TANGO6: variants seen among roughly 807,000 people sequenced by gnomAD.
TANGO6 encodes the protein transport and golgi organization 6 homolog.
In TANGO6, 90 loss-of-function variants were observed where a neutral mutation model predicts 114.2. The observed-to-expected ratio is 0.79, with a 90% confidence interval of 0.66 to 0.94. The LOEUF (loss-of-function observed/expected upper bound fraction) is 0.94, where lower values mean the gene tolerates loss of function less well. Among genes scored for constraint, TANGO6 ranks in the 40% least tolerant of loss-of-function variants. TANGO6 has a pLI of 0.00. For missense variants in TANGO6, 1,274 were observed against 1,315.3 expected (o/e 0.97, Z 0.49); for synonymous variants, 477 against 509.8 (o/e 0.94, Z 0.87).
At chr16:68,899,321 A>C (rs1962752867) in intron 7 of TANGO6, among the ~76,000 whole-genome samples, 1 of 152,116 alleles carries the variant, frequency 6.6e-6, no homozygotes, top group Admixed American at 6.6e-5. Context: ...TATCACAAGC[A>C]ATATGAAGGA....
At chr16:68,858,214 C>T in intron 1 of TANGO6, among the ~76,000 whole-genome samples, 1 of 152,116 alleles carries the variant, frequency 6.6e-6, no homozygotes, top group Non-Finnish European at 1.5e-5. Flanking sequence ...CAGGCACCTG[C>T]CACCATGCCC....
intron 6 of TANGO6, among the ~76,000 whole-genome samples, chr16:68,880,254 G>T (rs1395946963): frequency 6.6e-6 from 1 of 152,184 alleles, no homozygotes; most frequent in Admixed American, 6.5e-5. Flanking sequence ...TTACAGTTGT[G>T]AGCCACCACA....
Position 68,893,209 on chromosome 16 carries a change from C to G in TANGO6, c.1378-7225C>G, listed in dbSNP as rs185743274. Among the ~76,000 whole-genome samples, 285 of 152,166 alleles carry G rather than the reference C, an allele frequency of 1.9e-3. 1 individual carries two copies. Among genetic ancestry groups the G allele is most frequent in the Non-Finnish European group, 3.1e-3 (209 of 68,016 alleles). On this transcript the variant is annotated intron_variant, in intron 7 of 17. Transcript: ENST00000261778. Reference sequence around the variant, plus strand: ...GGAATGAAGGAAATGAGCAAACTTGCAGTCAAGTCAGAGAATCATAGATGA... The same window carrying G: ...GGAATGAAGGAAATGAGCAAACTTGGAGTCAAGTCAGAGAATCATAGATGA...
rs575958202 is a variant in TANGO6, at chr16:69,063,781, T to TTTCTTCTTCTTCTTCTTCTTCTTC, written c.3109-19698_3109-19675dup. ...TCACTCTGGGCAGCGTAGCCATACT[T>TTTCTTCTTCTTCTTCTTCTTCTTC]TTCTTCTTCTTCTTCTTCTTCTTCT... On this transcript the variant is annotated intron_variant, in intron 17 of 17. Transcript: ENST00000261778. Among the ~76,000 whole-genome samples, 137 of 115,436 alleles carry TTTCTTCTTCTTCTTCTTCTTCTTC rather than the reference T, an allele frequency of 1.2e-3. 1 individual carries two copies. The highest frequency in any genetic ancestry group is 4.5e-3 in the African/African-American group (125 of 28,014). The allele number at this position is 115,436 out of a possible 152,430, so 75.7% of individuals were successfully genotyped here.
chr16:68,869,921 T>C (rs181204246), intron 4 of TANGO6, among the ~76,000 whole-genome samples: 24 of 152,202 alleles, frequency 1.6e-4, no homozygotes, highest in Middle Eastern at 3.4e-3. Flanking sequence ...GGTAGAGTGG[T>C]GCGCAGTGAG....
At chr16:69,069,498 C>T (rs111749892) in intron 17 of TANGO6, among the ~76,000 whole-genome samples, 4,707 of 152,250 alleles carry the variant, frequency 0.031, 104 homozygotes, top group Non-Finnish European at 0.041. Flanking sequence ...CAGAACTAGT[C>T]GGATTCTGGA....
At chr16:68,922,310 G>A (rs553623130) in intron 12 of TANGO6, among the ~76,000 whole-genome samples, 5 of 152,062 alleles carry the variant, frequency 3.3e-5, no homozygotes, top group African/African-American at 1.2e-4. Context: ...GGCCAAGTCG[G>A]GTGGATCACG....
chr16:69,030,107 CAAAAAAAAA>C (rs529117472), intron 16 of TANGO6, among the ~76,000 whole-genome samples: 1 of 62,518 alleles, frequency 1.6e-5, no homozygotes, highest in Non-Finnish European at 3.2e-5. Flanking sequence ...GACTCTGACT[CAAAAAAAAA>C]AAAAAAAAAA....
chr16:68,987,333 A>C (rs1963904953), intron 15 of TANGO6, among the ~76,000 whole-genome samples: 1 of 152,036 alleles, frequency 6.6e-6, no homozygotes, highest in Admixed American at 6.6e-5. Flanking sequence ...AGGCTATTTA[A>C]ATTTTAAATT....
chr16:69,024,112 G>A (rs576127103), intron 16 of TANGO6, among the ~76,000 whole-genome samples: 9 of 152,186 alleles, frequency 5.9e-5, no homozygotes, highest in African/African-American at 2.2e-4. Context: ...ATGTTGGCCA[G>A]GTTGGTCTCG....
At chr16:68,908,073 C>T (rs1418232583) in intron 10 of TANGO6, among the ~76,000 whole-genome samples, 1 of 152,156 alleles carries the variant, frequency 6.6e-6, no homozygotes, top group Non-Finnish European at 1.5e-5. Context: ...TGCTTTTCTT[C>T]TGTTCTCTGA....
intron 14 of TANGO6, among the ~76,000 whole-genome samples, chr16:68,947,093 T>C (rs903755167): frequency 6.6e-6 from 1 of 152,146 alleles, no homozygotes; most frequent in Admixed American, 6.5e-5. Context: ...ATCTTATTTT[T>C]CCCCCAGTAT....
intron 14 of TANGO6, among the ~76,000 whole-genome samples, chr16:68,941,637 T>C (rs1259779403): frequency 6.6e-6 from 1 of 152,014 alleles, no homozygotes; most frequent in African/African-American, 2.4e-5. Context: ...TCCCAGCTAC[T>C]TGGGAGGCTG....
chr16:68,954,531 A>G (rs577860889), intron 14 of TANGO6, among the ~76,000 whole-genome samples: 2 of 152,320 alleles, frequency 1.3e-5, no homozygotes, highest in East Asian at 3.9e-4. Flanking sequence ...AAAAGTTTTG[A>G]GAACTCACTG....
At chr16:68,982,113 C>A (rs1241913064) in intron 15 of TANGO6, among the ~76,000 whole-genome samples, 2 of 152,262 alleles carry the variant, frequency 1.3e-5, no homozygotes, top group East Asian at 3.9e-4. Context: ...AGATGTGGCT[C>A]AAAATGGCAG....
At chr16:68,886,565 A>G (rs183205286) in intron 7 of TANGO6, among the ~76,000 whole-genome samples, 1 of 151,214 alleles carries the variant, frequency 6.6e-6, no homozygotes, top group African/African-American at 2.4e-5. Context: ...CTGGAGTGCA[A>G]TGGCATGATC....
chr16:69,021,261 A>G (rs1959400613), intron 15 of TANGO6, among the ~76,000 whole-genome samples: 1 of 152,060 alleles, frequency 6.6e-6, no homozygotes, highest in Admixed American at 6.6e-5. Flanking sequence ...GTTCTCAGAC[A>G]TGCCAGGCGT....
intron 15 of TANGO6, among the ~76,000 whole-genome samples, chr16:69,012,556 C>CAAAAAAAAAAAAA (rs1175561720): frequency 4.7e-4 from 17 of 36,500 alleles, no homozygotes; most frequent in African/African-American, 1.6e-3. Flanking sequence ...AACTCTGTCT[C>CAAAAAAAAAAAAA]AAAAAAAAAA....
At chr16:69,047,411 C>T (rs1163460901) in intron 17 of TANGO6, among the ~76,000 whole-genome samples, 3 of 151,856 alleles carry the variant, frequency 2.0e-5, no homozygotes, top group Admixed American at 6.6e-5. Context: ...TGGAGAATCA[C>T]TTGAACCTGG....
Sources: gnomAD v4.1 joint callset for allele counts (sites outside exome capture counted in the v4.1 genomes callset) on GRCh38, gnomAD v4.1.1 for gene constraint, MANE v1.5 for transcripts, NCBI Gene and HGNC (gene_info 2026-07-23, HGNC 2026-07-21) for gene names.